Variants in TAF15 observed in about 807,000 individuals in gnomAD.
The protein encoded by TAF15 is TATA-binding protein-associated factor 2N.
A neutral mutation model predicts 102.5 loss-of-function variants in TAF15; 37 were observed. The ratio of observed to expected loss-of-function variants is 0.36; its 90% CI spans 0.28 to 0.47. The LOEUF (loss-of-function observed/expected upper bound fraction) is 0.47, where lower values mean the gene tolerates loss of function less well. TAF15 is among the 20% of genes least tolerant of loss of function. TAF15 has a pLI of 0.99. For missense variants in TAF15, 652 were observed against 760.7 expected (o/e 0.86, Z 1.68); for synonymous variants, 273 against 259.2 (o/e 1.05, Z -0.51).
At position 35,813,932 on chromosome 17, in the gene TAF15, A is replaced by G. The variant is rs923291018; in HGVS notation, c.8-3784A>G. ...GAAGAAGCTGGAAAATAATGAAATT[A>G]TCCATTAGAGTTTAGAGAGAAAGTA... On this transcript the variant is annotated intron_variant, in intron 1 of 15. Transcript: ENST00000605844. 1.8e-4 allele frequency among the ~76,000 whole-genome samples: 27 copies of G among 152,196 alleles called. 1 individual carries two copies. Among genetic ancestry groups the G allele is most frequent in the African/African-American group, 6.5e-4 (27 of 41,448 alleles).
At chr17:35,825,953 CAA>C (rs5820126) in intron 7 of TAF15, among the ~76,000 whole-genome samples, 2 of 141,562 alleles carry the variant, frequency 1.4e-5, no homozygotes, top group African/African-American at 5.2e-5. Flanking sequence ...GACTTCGTCT[CAA>C]AAAAAAAAAC....
chr17:35,837,666 A>C (rs1223576115), intron 10 of TAF15, among the ~76,000 whole-genome samples: 1 of 151,886 alleles, frequency 6.6e-6, no homozygotes, highest in Non-Finnish European at 1.5e-5. Flanking sequence ...TCTCTACTGA[A>C]AATACAAGAA....
intron 2 of TAF15, among the ~76,000 whole-genome samples, chr17:35,818,064 A>T (rs774652909): frequency 5.3e-5 from 8 of 151,528 alleles, no homozygotes; most frequent in Non-Finnish European, 1.0e-4. Context: ...TGTAATCTCC[A>T]CTACAGACAT....
chr17:35,813,414 G>A (rs369968025), intron 1 of TAF15, among the ~76,000 whole-genome samples: 65 of 151,154 alleles, frequency 4.3e-4, no homozygotes, highest in East Asian at 3.7e-3. Context: ...TGGGTAGATC[G>A]CGTGAGCTCA....
chr17:35,828,210 A>G (rs2143784338), intron 7 of TAF15, among the ~76,000 whole-genome samples: 1 of 152,340 alleles, frequency 6.6e-6, no homozygotes, highest in East Asian at 1.9e-4. Context: ...ATACACATGT[A>G]TACAAGGGCA....
chr17:35,812,367 C>T (rs1345252054), intron 1 of TAF15, among the ~76,000 whole-genome samples: 1 of 151,862 alleles, frequency 6.6e-6, no homozygotes, highest in East Asian at 1.9e-4. Context: ...GAGGCCGAGG[C>T]GGGTGGATCA....
intron 7 of TAF15, among the ~76,000 whole-genome samples, chr17:35,831,795 C>G (rs1233429745): frequency 6.6e-6 from 1 of 152,084 alleles, no homozygotes; most frequent in Non-Finnish European, 1.5e-5. Flanking sequence ...TAAAAAACCT[C>G]TGAGAGGCCG....
In TAF15 at chr17:35,812,583, CAA is replaced by C. The variant is rs34497840; in HGVS notation, c.7+3029_7+3030del. Among the ~76,000 whole-genome samples the C allele has an allele frequency of 5.8e-3, 387 of 66,238 alleles. 1 individual carries two copies. Among genetic ancestry groups the C allele is most frequent in the African/African-American group, 0.018 (324 of 17,798 alleles). The allele number at this position is 66,238 out of a possible 152,430, so 43.5% of individuals were successfully genotyped here. A position where few individuals can be genotyped will look rare whatever the true frequency, so the allele number is the denominator to read the frequency against. On this transcript the variant is annotated intron_variant, in intron 1 of 15. Transcript: ENST00000605844. The stretch of plus-strand genomic sequence containing the variant: ...CTGGGGAACAAGAGAAACTCTATCT[CAA>C]AAAAAAAAAAAAAAAAAAAAACCTG...
At chr17:35,834,740 C>CTTTTTTTTTGTTTTTTTTT (rs2087451979) in intron 9 of TAF15, 142 bp downstream of exon 9, 1 of 212,936 alleles carries the variant, frequency 4.7e-6, no homozygotes, top group African/African-American at 5.2e-5. Context: ...AGCTTTATTT[C>CTTTTTTTTTGTTTTTTTTT]TTTTTTTTTT....
rs201333332 is a variant in TAF15 at position 35,844,862 on chromosome 17, C to T, written c.1563C>T (p.Gly521=). The part of the protein sequence containing the change: ...DRGGYGGDRG[G]YGGDRSRGGY... ...GAGGTTATGGAGGAGATCGAGGAGG[C>T]TATGGAGGAGACAGAAGCCGGGGGG... is the stretch of plus-strand genomic sequence containing the variant. Residue 521 remains glycine (G), a synonymous_variant, in exon 15 of 16, where the codon GGC becomes GGT. Transcript: ENST00000605844. 1.2e-5 allele frequency: 20 copies of T among 1,609,326 alleles called. No homozygotes were observed. Among genetic ancestry groups the T allele is most frequent in the South Asian group, 9.9e-5 (9 of 90,810 alleles).
intron 8 of TAF15, 43 bp downstream of exon 8, chr17:35,833,984 A>G (rs763966596): frequency 1.2e-6 from 2 of 1,608,282 alleles, no homozygotes; most frequent in South Asian, 1.1e-5. Flanking sequence ...GAAATGCTAT[A>G]TAAATCTAAA....
rs1185254485 is a variant in TAF15, at chr17:35,817,712, C to G, written c.8-4C>G. ...AGATTTAAAATTCTTTTTATGTGTT[C>G]TAGATTCTGGAAGTTACGGTCAGTC... On this transcript the variant is annotated splice_region_variant and splice_polypyrimidine_tract_variant and intron_variant, in intron 1 of 15. Coordinates refer to ENST00000605844, the MANE Select transcript of TAF15 (RefSeq NM_139215.3). 1 of 1,612,868 alleles carries G rather than the reference C, an allele frequency of 6.2e-7. No homozygotes were observed. Among genetic ancestry groups the G allele is most frequent in the South Asian group, 1.1e-5 (1 of 91,020 alleles).
At chr17:35,815,178 T>C (rs1218981359) in intron 1 of TAF15, among the ~76,000 whole-genome samples, 1 of 150,922 alleles carries the variant, frequency 6.6e-6, no homozygotes, top group East Asian at 1.9e-4. Flanking sequence ...AAAATAACTT[T>C]TCTGGCTGCA....
At position 35,834,740 on chromosome 17, in the gene TAF15, CTTTTT is replaced by C. The variant is rs533058888; in HGVS notation, c.673+160_673+164del. The C allele has an allele frequency of 2.8e-3, 665 of 235,758 alleles. 4 individuals are homozygous for C. Among genetic ancestry groups the C allele is most frequent in the African/African-American group, 0.016 (306 of 19,370 alleles). The allele number at this position is 235,758 out of a possible 1,614,324, so 14.6% of individuals were successfully genotyped here. A position where few individuals can be genotyped will look rare whatever the true frequency, so the allele number is the denominator to read the frequency against. On this transcript the variant is annotated intron_variant, in intron 9 of 15. Transcript: ENST00000605844. ...CTGCCAGAACTGGGGAGCTTTATTT[CTTTTT>C]TTTTTTTTTTTTTTTTTGAGATGGA...
At chr17:35,838,147 A>C (rs2087498645) in intron 10 of TAF15, among the ~76,000 whole-genome samples, 1 of 152,176 alleles carries the variant, frequency 6.6e-6, no homozygotes, top group African/African-American at 2.4e-5. Flanking sequence ...GTGCCACTGC[A>C]TTCCAACCTG....
At chr17:35,841,843 G>A (rs537287123) in intron 11 of TAF15, among the ~76,000 whole-genome samples, 3 of 151,904 alleles carry the variant, frequency 2.0e-5, no homozygotes, top group African/African-American at 4.8e-5. Context: ...GACTACAGGC[G>A]CATGCCACCA....
chr17:35,845,059 AT>A (rs1180990919), intron 15 of TAF15, 21 bp downstream of exon 15: 1 of 1,613,668 alleles, frequency 6.2e-7, no homozygotes. Context: ...GAATGTGTTT[AT>A]TAACCTTTTT....
At chr17:35,814,514 G>A (rs909515601) in intron 1 of TAF15, among the ~76,000 whole-genome samples, 3 of 150,862 alleles carry the variant, frequency 2.0e-5, no homozygotes, top group Admixed American at 6.6e-5. Context: ...AAGTTCAGAC[G>A]TAATGTTAAA....
chr17:35,834,034 T>C, intron 8 of TAF15, 93 bp downstream of exon 8: 1 of 1,366,904 alleles, frequency 7.3e-7, no homozygotes, highest in Non-Finnish European at 1.0e-6. Flanking sequence ...AAGTCCTTTC[T>C]TACTCTGTTG....
Sources: gnomAD v4.1 joint callset for allele counts (sites outside exome capture counted in the v4.1 genomes callset) on GRCh38, gnomAD v4.1.1 for gene constraint, MANE v1.5 for transcripts, NCBI Gene and HGNC (gene_info 2026-07-23, HGNC 2026-07-21) for gene names.